The following SPIDR variants were observed in gnomAD, a reference collection of about 807,000 sequenced individuals.
SPIDR encodes scaffold protein involved in DNA repair, also known as DNA repair-scaffolding protein.
SPIDR carries 93 observed loss-of-function variants against 104.6 expected under a neutral mutation model. That is an observed-to-expected ratio of 0.89 (90% confidence interval 0.75 to 1.06). The LOEUF is 1.06. SPIDR is among the 50% of genes least tolerant of loss of function. The pLI is 0.00. For synonymous variants in SPIDR, 431 were observed against 416.9 expected (o/e 1.03, Z -0.41); for missense variants, 1,154 against 1,111.2 (o/e 1.04, Z -0.55).
chr8:47,664,993 G>A (rs2154465317), intron 10 of SPIDR, among the ~76,000 whole-genome samples: 1 of 152,228 alleles, frequency 6.6e-6, no homozygotes, highest in Admixed American at 6.5e-5. Context: ...ATGATTAAGT[G>A]CACCAAAATA....
chr8:47,593,066 T>A (rs1306448117), intron 8 of SPIDR, among the ~76,000 whole-genome samples: 1 of 152,076 alleles, frequency 6.6e-6, no homozygotes, highest in East Asian at 1.9e-4. Context: ...ATGTATTTTT[T>A]AGTAGAGATA....
intron 11 of SPIDR, among the ~76,000 whole-genome samples, chr8:47,699,902 A>G (rs896055130): frequency 6.6e-6 from 1 of 152,224 alleles, no homozygotes; most frequent in African/African-American, 2.4e-5. Context: ...TGGGGAAAAT[A>G]TACAAAATAC....
chr8:47,628,388 G>A (rs1056197625), intron 10 of SPIDR, among the ~76,000 whole-genome samples: 7 of 151,988 alleles, frequency 4.6e-5, no homozygotes, highest in African/African-American at 1.7e-4. Flanking sequence ...CTGACTAAAG[G>A]CAAAAATTAA....
At chr8:47,513,069 T>TA (rs1288047383) in intron 8 of SPIDR, among the ~76,000 whole-genome samples, 1 of 152,266 alleles carries the variant, frequency 6.6e-6, no homozygotes, top group Non-Finnish European at 1.5e-5. Flanking sequence ...AGGTCACTTC[T>TA]GAAACATAAA....
At chr8:47,541,771 C>A (rs1197171288) in intron 8 of SPIDR, among the ~76,000 whole-genome samples, 2 of 151,960 alleles carry the variant, frequency 1.3e-5, no homozygotes, top group African/African-American at 4.8e-5. Flanking sequence ...TGGTGGTGCA[C>A]ACCTGTAGTC....
chr8:47,370,827 A>T (rs541919671), intron 5 of SPIDR, among the ~76,000 whole-genome samples: 1 of 152,166 alleles, frequency 6.6e-6, no homozygotes, highest in Admixed American at 6.5e-5. Context: ...ATGAAAAAAA[A>T]ATTTTAAGTT....
At chr8:47,321,478 A>C (rs571295282) in intron 5 of SPIDR, among the ~76,000 whole-genome samples, 5 of 152,250 alleles carry the variant, frequency 3.3e-5, no homozygotes, top group African/African-American at 1.2e-4. Flanking sequence ...TTCCATGCTC[A>C]TGGACAGGAA....
chr8:47,563,226 G>C (rs1564342951), intron 8 of SPIDR, among the ~76,000 whole-genome samples: 1 of 151,988 alleles, frequency 6.6e-6, no homozygotes, highest in Admixed American at 6.6e-5. Flanking sequence ...CTGAAGTGCA[G>C]TGGCCCCGTC....
At chr8:47,357,994 T>C (rs565941129) in intron 5 of SPIDR, 1 of 310,148 alleles carries the variant, frequency 3.2e-6, no homozygotes, top group African/African-American at 2.3e-5. Context: ...CTCTCCAACC[T>C]GGTGAGAATT....
intron 11 of SPIDR, among the ~76,000 whole-genome samples, chr8:47,695,864 G>A (rs187368372): frequency 1.3e-5 from 2 of 152,352 alleles, no homozygotes; most frequent in Non-Finnish European, 2.9e-5. Flanking sequence ...GTAAAAATAT[G>A]TAAATTTAGC....
chr8:47,653,399 T>C (rs2072062420), intron 10 of SPIDR, among the ~76,000 whole-genome samples: 1 of 152,162 alleles, frequency 6.6e-6, no homozygotes, highest in Non-Finnish European at 1.5e-5. Context: ...GGTTGGGGAA[T>C]GCATGAGAGA....
chr8:47,351,423 T>G (rs1372351868), intron 5 of SPIDR, among the ~76,000 whole-genome samples: 3 of 152,122 alleles, frequency 2.0e-5, no homozygotes, highest in African/African-American at 7.2e-5. Context: ...CGAGTGGGAT[T>G]TACCACATTT....
chr8:47,700,911 G>A (rs1393256733), intron 12 of SPIDR, among the ~76,000 whole-genome samples: 2 of 152,178 alleles, frequency 1.3e-5, no homozygotes, highest in African/African-American at 2.4e-5. Context: ...TTCGTACAAC[G>A]TCCTGGGTAG....
intron 8 of SPIDR, chr8:47,592,545 C>G (rs2061157469): frequency 7.5e-7 from 1 of 1,339,900 alleles, no homozygotes; most frequent in African/African-American, 1.4e-5. Context: ...GCTTTGATGC[C>G]AGGAACTGGT....
At chr8:47,298,371 T>C (rs1197921313) in intron 5 of SPIDR, among the ~76,000 whole-genome samples, 37 of 152,154 alleles carry the variant, frequency 2.4e-4, no homozygotes, top group Admixed American at 2.4e-3. Context: ...GTCAGATGAG[T>C]AGATTGCAAA....
intron 8 of SPIDR, among the ~76,000 whole-genome samples, chr8:47,492,160 G>T (rs1554740333): frequency 1.3e-5 from 2 of 152,134 alleles, no homozygotes; most frequent in South Asian, 4.1e-4. Flanking sequence ...GATGTGCCAA[G>T]AATGGCCCAG....
intron 8 of SPIDR, among the ~76,000 whole-genome samples, chr8:47,588,021 AT>A (rs1396678612): frequency 2.9e-5 from 3 of 104,290 alleles, no homozygotes; most frequent in African/African-American, 1.1e-4. Context: ...AACTTTTAAA[AT>A]TAGCATATAT....
intron 7 of SPIDR, among the ~76,000 whole-genome samples, chr8:47,411,406 G>A (rs1207253408): frequency 2.0e-5 from 3 of 152,168 alleles, no homozygotes; most frequent in African/African-American, 7.2e-5. Flanking sequence ...TTCTCTGATG[G>A]CCAGTGATGG....
At chr8:47,360,032 G>A (rs1298787395) in intron 5 of SPIDR, among the ~76,000 whole-genome samples, 1 of 152,006 alleles carries the variant, frequency 6.6e-6, no homozygotes, top group Non-Finnish European at 1.5e-5. Flanking sequence ...CACAAGGTCA[G>A]GAGATTGAGA....
Sources: gnomAD v4.1 joint callset for allele counts (sites outside exome capture counted in the v4.1 genomes callset) on GRCh38, gnomAD v4.1.1 for gene constraint, MANE v1.5 for transcripts, NCBI Gene and HGNC (gene_info 2026-07-23, HGNC 2026-07-21) for gene names.